Variants in GRK4 observed in about 807,000 individuals in gnomAD.
The protein encoded by GRK4 is G protein-coupled receptor kinase 4.
GRK4 carries 73 observed loss-of-function variants against 77.9 expected under a neutral mutation model. The observed-to-expected ratio is 0.94, with a 90% CI of 0.78 to 1.14. The LOEUF (loss-of-function observed/expected upper bound fraction) is 1.14. GRK4 is among the 50% of genes most tolerant of loss of function. GRK4 has a pLI of 0.00. For missense variants in GRK4, 729 were observed against 700.2 expected, an observed-to-expected ratio of 1.04 and a Z score of -0.46; for synonymous variants, 257 against 254.4, an observed-to-expected ratio of 1.01 and a Z score of -0.10.
intron 10 of GRK4, among the ~76,000 whole-genome samples, chr4:3,027,187 G>A (rs1229118382): frequency 6.6e-6 from 1 of 152,152 alleles, no homozygotes; most frequent in Non-Finnish European, 1.5e-5. Flanking sequence ...CCATAGCCAT[G>A]TGCCATCACA....
At chr4:3,036,848 G>A (rs1740789554) in intron 13 of GRK4, among the ~76,000 whole-genome samples, 1 of 152,198 alleles carries the variant, frequency 6.6e-6, no homozygotes, top group Admixed American at 6.5e-5. Context: ...TTTGCCAGGA[G>A]TGCACCAAGA....
intron 3 of GRK4, among the ~76,000 whole-genome samples, chr4:2,990,208 A>C (rs892775634): frequency 7.1e-6 from 1 of 141,690 alleles, no homozygotes; most frequent in Admixed American, 7.1e-5. Context: ...CCTTTCTGGC[A>C]CTGTTGCTAG....
chr4:3,008,238 G>T (rs1731887671), intron 6 of GRK4, among the ~76,000 whole-genome samples: 1 of 152,152 alleles, frequency 6.6e-6, no homozygotes, highest in South Asian at 2.1e-4. Context: ...TATCCCTGTT[G>T]GTTCAGTGGC....
rs1314841949 is a variant in GRK4, at chr4:2,963,973, C to T, written c.-98C>T. The stretch of plus-strand genomic sequence containing the variant: ...CCGGAGCTCGAGGAGAGGGTGGTGC[C>T]CGGCGAGCTATGCACGGGGGCGGCG... On this transcript the variant is annotated 5_prime_UTR_variant, in exon 1 of 16. Transcript: ENST00000398052. The T allele has an allele frequency of 3.6e-6, 4 of 1,107,416 alleles. No individual in the cohort carries two copies. Among genetic ancestry groups the T allele is most frequent in the Non-Finnish European group, 5.4e-6 (4 of 743,826 alleles). 68.6% of individuals were successfully genotyped at this position (1,107,416 alleles called of 1,614,324 possible). A position where few individuals can be genotyped will look rare whatever the true frequency, so the allele number is the denominator to read the frequency against.
Position 2,963,839 on chromosome 4 carries a change from C to T in GRK4, c.-232C>T, listed in dbSNP as rs1433443364. On this transcript the variant is annotated 5_prime_UTR_variant, in exon 1 of 16. Coordinates refer to ENST00000398052, the MANE Select transcript of GRK4 (RefSeq NM_182982.3). ...CTGGGACCCGCCGCGGTCGGGCTGC[C>T]CCCTCCCCTCGCCCCGACCGCTCCC... The T allele has an allele frequency of 3.5e-6, 2 of 568,928 alleles. No individual in the cohort carries two copies. The highest frequency in any genetic ancestry group is 6.2e-6 in the Non-Finnish European group (2 of 324,994). The allele number at this position is 568,928 out of a possible 1,614,324, so 35.2% of individuals were successfully genotyped here.
rs1560398012 is a variant in GRK4, at chr4:2,992,230, G to A, written c.277G>A (p.Ala93Thr). ...CTCCAATCAGGCAGAATATGAAGTT[G>A]CCGATGATGAGGACCGAAGTGATTG... ...FLDAVAEYEVADDEDRSDCGL... is the reference protein window; with the variant it reads ...FLDAVAEYEVTDDEDRSDCGL... Residue 93 changes from alanine (A) to threonine (T), a missense_variant, in exon 4 of 16, where the codon GCC (alanine) becomes ACC (threonine). Physicochemically the swap from Ala to Thr is moderately conservative, Grantham distance 58. Transcript: ENST00000398052. 4 of 1,609,402 alleles carry A rather than the reference G, an allele frequency of 2.5e-6. No homozygotes were observed. The highest frequency in any genetic ancestry group is 3.4e-6 in the Non-Finnish European group (4 of 1,176,052).
intron 2 of GRK4, chr4:2,985,873 C>CCCCAAGCTTGGGG (rs1724171363): frequency 6.1e-6 from 1 of 162,702 alleles, no homozygotes; most frequent in South Asian, 1.2e-4. Flanking sequence ...GTGGCGGGCG[C>CCCCAAGCTTGGGG]CTGTAGTCCC....
chr4:3,000,316 A>G (rs1264703229), intron 4 of GRK4, among the ~76,000 whole-genome samples: 2 of 152,206 alleles, frequency 1.3e-5, no homozygotes, highest in Non-Finnish European at 2.9e-5. Flanking sequence ...AAAATTTTCT[A>G]TGATATAGAA....
At chr4:2,987,256 T>C (rs967713081) in intron 2 of GRK4, 2 of 388,776 alleles carry the variant, frequency 5.1e-6, no homozygotes, top group East Asian at 1.4e-4. Context: ...TAGCATAATG[T>C]TGTCAAAGTA....
At chr4:3,009,884 G>GT (rs1732400083) in intron 7 of GRK4, among the ~76,000 whole-genome samples, 173 bp downstream of exon 7, 1 of 152,174 alleles carries the variant, frequency 6.6e-6, no homozygotes, top group African/African-American at 2.4e-5. Context: ...TGAGCAAAAG[G>GT]TTTTTAAGAA....
intron 1 of GRK4, among the ~76,000 whole-genome samples, chr4:2,975,030 C>T (rs1003191548): frequency 3.9e-5 from 6 of 152,312 alleles, no homozygotes; most frequent in Non-Finnish European, 7.4e-5. Context: ...TGAGGCCGGG[C>T]GCGGTGGCTC....
At chr4:2,999,962 G>C (rs56257546) in intron 4 of GRK4, among the ~76,000 whole-genome samples, 3,978 of 152,200 alleles carry the variant, frequency 0.026, 87 homozygotes, top group Middle Eastern at 0.051. Flanking sequence ...TTTAAAATAG[G>C]AAAGTAAATG....
rs750460440 is a variant in GRK4, at chr4:3,007,824, G to A, written c.532G>A (p.Glu178Lys). 18 of 1,607,004 alleles carry A rather than the reference G, an allele frequency of 1.1e-5. No homozygotes were observed. Among genetic ancestry groups the A allele is most frequent in the Non-Finnish European group, 1.4e-5 (16 of 1,174,952 alleles). The change falls in exon 6 of 16, where the codon GAA (glutamate) becomes AAA (lysine). Residue 178 changes from glutamate (E) to lysine (K), a missense_variant. Physicochemically the swap from Glu to Lys is moderately conservative, Grantham distance 56. Coordinates refer to ENST00000398052, the MANE Select transcript of GRK4 (RefSeq NM_182982.3). ...TCAGTTTTTACAATGGAAATGGCTGGAAAGGTATGTACTGATTTTAAACTT... is the reference window on the plus strand; with the variant it reads ...TCAGTTTTTACAATGGAAATGGCTGAAAAGGTATGTACTGATTTTAAACTT... ...FSQFLQWKWLERQPVTKNTFR... is the reference protein window; with the variant it reads ...FSQFLQWKWLKRQPVTKNTFR...
In GRK4 at chr4:2,987,614, C is replaced by T. The variant is rs147744255; in HGVS notation, c.149-1113C>T. Among the ~76,000 whole-genome samples the T allele has an allele frequency of 3.2e-3, 493 of 152,188 alleles. 7 individuals are homozygous for T. Among genetic ancestry groups the T allele is most frequent in the Middle Eastern group, 0.024 (7 of 294 alleles). On this transcript the variant is annotated intron_variant, in intron 2 of 15. Transcript: ENST00000398052. ...TGGTGTGCAAATACCTGTTTGAGTC[C>T]GTGCTTTCACTTGTTTTGTGTATGT...
chr4:3,037,864 G>A (rs1419058218), intron 14 of GRK4, among the ~76,000 whole-genome samples: 2 of 151,050 alleles, frequency 1.3e-5, no homozygotes, highest in Admixed American at 1.3e-4. Context: ...GCAGTGAGCT[G>A]AGATTGCGCC....
intron 3 of GRK4, among the ~76,000 whole-genome samples, chr4:2,990,352 G>C (rs1458045467): frequency 1.4e-5 from 2 of 147,746 alleles, no homozygotes; most frequent in African/African-American, 5.0e-5. Context: ...CGCCTCCCAG[G>C]TTCAAGTGAT....
At chr4:2,998,186 C>T (rs193259465) in intron 4 of GRK4, among the ~76,000 whole-genome samples, 20 of 152,074 alleles carry the variant, frequency 1.3e-4, no homozygotes, top group Admixed American at 5.2e-4. Context: ...GTGAAACCCC[C>T]GTCTGTACTA....
At chr4:2,981,424 G>C (rs1232219024) in intron 1 of GRK4, among the ~76,000 whole-genome samples, 6 of 152,226 alleles carry the variant, frequency 3.9e-5, no homozygotes, top group African/African-American at 1.4e-4. Flanking sequence ...AAAATGGGTA[G>C]CTCCTTTCTG....
chr4:2,989,669 A>T (rs1359518745), intron 3 of GRK4, among the ~76,000 whole-genome samples: 2 of 152,232 alleles, frequency 1.3e-5, no homozygotes, highest in Non-Finnish European at 2.9e-5. Flanking sequence ...CAATGCTCTT[A>T]ACTTAAAAAC....
Sources: gnomAD v4.1 joint callset for allele counts (sites outside exome capture counted in the v4.1 genomes callset) on GRCh38, gnomAD v4.1.1 for gene constraint, MANE v1.5 for transcripts, NCBI Gene and HGNC (gene_info 2026-07-23, HGNC 2026-07-21) for gene names.